The following CHAMP1 variants were observed in gnomAD, a reference collection of about 807,000 sequenced individuals.
The protein encoded by CHAMP1 is chromosome alignment maintaining phosphoprotein 1, also known as chromosome alignment-maintaining phosphoprotein 1.
CHAMP1 carries 4 observed loss-of-function variants against 54.5 expected under a neutral mutation model. That is an observed-to-expected ratio of 0.07 (90% CI 0.04 to 0.17). CHAMP1 has a LOEUF of 0.17. CHAMP1 is among the 10% of genes least tolerant of loss of function. The pLI, the probability that CHAMP1 is intolerant of heterozygous loss-of-function variation, is 1.00. For missense variants in CHAMP1, 994 were observed against 968.6 expected (o/e 1.03, Z -0.35); for synonymous variants, 368 against 342.2 (o/e 1.08, Z -0.83).
intron 1 of CHAMP1, among the ~76,000 whole-genome samples, chr13:114,320,861 C>A (rs374569664): frequency 1.4e-3 from 216 of 151,832 alleles, no homozygotes; most frequent in Non-Finnish European, 2.3e-3. Flanking sequence ...GAGGCTGAGG[C>A]AGGAGAATGG....
chr13:114,319,282 C>G (rs2087140527), intron 1 of CHAMP1, among the ~76,000 whole-genome samples: 4 of 152,172 alleles, frequency 2.6e-5, no homozygotes, highest in Admixed American at 1.3e-4. Context: ...TTCCTACCCT[C>G]AAATCCTATG....
At position 114,325,565 on chromosome 13, in the gene CHAMP1, G is replaced by A. The variant is rs1566792650; in HGVS notation, c.1723G>A (p.Ala575Thr). The A allele has an allele frequency of 1.9e-6, 3 of 1,614,132 alleles. No individual in the cohort carries two copies. Among genetic ancestry groups the A allele is most frequent in the Non-Finnish European group, 2.5e-6 (3 of 1,180,022 alleles). Residue 575 changes from alanine to threonine, a missense_variant, in exon 3 of 3, where the codon GCT becomes ACT. Physicochemically the swap from Ala to Thr is moderately conservative, Grantham distance 58. This residue lies in a region of CHAMP1 where 851 missense variants were observed against 701.3 expected (regional missense o/e 1.21). Transcript: ENST00000361283. ...KSALFSESQKAVELGDELQID... is the reference protein window; with the variant it reads ...KSALFSESQKTVELGDELQID... The stretch of plus-strand genomic sequence containing the variant: ...TGCTCTATTCTCAGAATCACAGAAG[G>A]CTGTTGAGCTTGGTGATGAACTACA...
Position 114,324,161 on chromosome 13 carries a change from A to G in CHAMP1, c.319A>G (p.Lys107Glu). The part of the protein sequence containing the change: ...NQLNKETDPV[K>E]SPPLPEHQKI... Reference sequence around the variant, plus strand: ...GTTGAACAAAGAAACAGATCCTGTGAAAAGCCCTCCTCTTCCTGAACACCA... The same window carrying G: ...GTTGAACAAAGAAACAGATCCTGTGGAAAGCCCTCCTCTTCCTGAACACCA... The change falls in exon 3 of 3, where the codon AAA (lysine) becomes GAA (glutamate). Residue 107 changes from lysine to glutamate, a missense_variant. Physicochemically the swap from Lys to Glu is moderately conservative, Grantham distance 56. Coordinates refer to ENST00000361283, the MANE Select transcript of CHAMP1 (RefSeq NM_032436.4). 6.2e-7 allele frequency: 1 copy of G among 1,614,210 alleles called. No homozygotes were observed. Among genetic ancestry groups the G allele is most frequent in the Non-Finnish European group, 8.5e-7 (1 of 1,180,036 alleles).
In CHAMP1 at chr13:114,326,367, C is replaced by A; in HGVS notation, c.*86C>A. 1 of 1,394,902 alleles carries A rather than the reference C, an allele frequency of 7.2e-7. No homozygotes were observed. The highest frequency in any genetic ancestry group is 1.5e-5 in the South Asian group (1 of 66,352). 86.4% of individuals were successfully genotyped at this position (1,394,902 alleles called of 1,614,324 possible). A position where few individuals can be genotyped will look rare whatever the true frequency, so the allele number is the denominator to read the frequency against. The stretch of plus-strand genomic sequence containing the variant: ...AGCTTATCAGATAGCATAGTTGGAT[C>A]AGTAGATGACATGTATGGTGTACCG... On this transcript the variant is annotated 3_prime_UTR_variant, in exon 3 of 3. Transcript: ENST00000361283.
At position 114,324,907 on chromosome 13, in the gene CHAMP1, T is replaced by A. The variant is rs782090157; in HGVS notation, c.1065T>A (p.Ser355=). 3.7e-6 allele frequency: 6 copies of A among 1,614,136 alleles called. No individual in the cohort carries two copies. The Admixed American group carries it at 1.0e-4, about 27-fold the overall frequency. ...CTTGGAAACCAATTCCTTCTGTATCTCCTGGACCTTGGAAACCAACTCCAT... is the reference window on the plus strand; with the variant it reads ...CTTGGAAACCAATTCCTTCTGTATCACCTGGACCTTGGAAACCAACTCCAT... ...PGPWKPIPSV[S]PGPWKPTPSV... Residue 355 remains serine (S), a synonymous_variant, in exon 3 of 3, where the codon TCT becomes TCA. Transcript: ENST00000361283.
Position 114,314,549 on chromosome 13 carries a change from C to T in CHAMP1, c.-273C>T, listed in dbSNP as rs994309592. On this transcript the variant is annotated 5_prime_UTR_variant, in exon 1 of 3. Transcript: ENST00000361283. ...TGCATCCAGTCGCCATTCGGGAGGCCGCTGCGCTGCAGGGCCTCGCGGAGC... is the reference window on the plus strand; with the variant it reads ...TGCATCCAGTCGCCATTCGGGAGGCTGCTGCGCTGCAGGGCCTCGCGGAGC... 7.2e-5 allele frequency: 11 copies of T among 151,866 alleles called. No homozygotes were observed. The highest frequency in any genetic ancestry group is 2.2e-4 in the African/African-American group (9 of 41,476). 9.4% of individuals were successfully genotyped at this position (151,866 alleles called of 1,614,324 possible). A position where few individuals can be genotyped will look rare whatever the true frequency, so the allele number is the denominator to read the frequency against.
Position 114,324,414 on chromosome 13 carries a change from T to C in CHAMP1, c.572T>C (p.Val191Ala), listed in dbSNP as rs782659992. The change falls in exon 3 of 3, where the codon GTC (valine) becomes GCC (alanine). Residue 191 changes from valine to alanine, a missense_variant. By Grantham distance (64) the Val-to-Ala change is moderately conservative. Around this residue, in one of 3 missense-constraint regions of CHAMP1, gnomAD observed 851 missense variants for 701.3 expected, o/e 1.21. Coordinates refer to ENST00000361283, the MANE Select transcript of CHAMP1 (RefSeq NM_032436.4). ...TCTTCTCCTGAACCTCCAAAATCAG[T>C]CCCTGTTTGTGAGTCTCAGAAACTT... The part of the protein sequence containing the change: ...SVSSPEPPKS[V>A]PVCESQKLAP... 7 of 1,614,104 alleles carry C rather than the reference T, an allele frequency of 4.3e-6. No individual in the cohort carries two copies. In the South Asian group the frequency reaches 7.7e-5, roughly 18 times the overall value.
At position 114,324,602 on chromosome 13, in the gene CHAMP1, C is replaced by T. The variant is rs372750715; in HGVS notation, c.760C>T (p.Pro254Ser). The change falls in exon 3 of 3, where the codon CCA (proline) becomes TCA (serine). Residue 254 changes from proline to serine, a missense_variant. Pro to Ser is a moderately conservative substitution (Grantham distance 74). Coordinates refer to ENST00000361283, the MANE Select transcript of CHAMP1 (RefSeq NM_032436.4). Reference sequence around the variant, plus strand: ...AGAGTCACCAGTTCTAGCTGCTTCCCCAGAACCTTGGGGACCATCCCCAGC... The same window carrying T: ...AGAGTCACCAGTTCTAGCTGCTTCCTCAGAACCTTGGGGACCATCCCCAGC... ...SPESPVLAAS[P>S]EPWGPSPAAS... is the part of the protein sequence containing the mutation. 1.9e-6 allele frequency: 3 copies of T among 1,614,084 alleles called. No homozygotes were observed. Among genetic ancestry groups the T allele is most frequent in the Non-Finnish European group, 2.5e-6 (3 of 1,180,044 alleles).
Position 114,324,567 on chromosome 13 carries a change from C to T in CHAMP1, c.725C>T (p.Ala242Val). Residue 242 changes from alanine (A) to valine (V), a missense_variant, in exon 3 of 3, where the codon GCC (alanine) becomes GTC (valine). Ala to Val is a moderately conservative substitution (Grantham distance 64, BLOSUM62 0). Coordinates refer to ENST00000361283, the MANE Select transcript of CHAMP1 (RefSeq NM_032436.4). ...CCGGAAACATTGGGGCCACCTTCAG[C>T]CTCATCTCCAGAGTCACCAGTTCTA... is the stretch of plus-strand genomic sequence containing the variant. Reference protein sequence around the residue: ...HFPETLGPPSASSPESPVLAA... With the variant: ...HFPETLGPPSVSSPESPVLAA... The T allele has an allele frequency of 6.8e-6, 11 of 1,614,152 alleles. No homozygotes were observed. Among genetic ancestry groups the T allele is most frequent in the Non-Finnish European group, 9.3e-6 (11 of 1,180,038 alleles).
At chr13:114,315,902 C>T (rs1195482565) in intron 1 of CHAMP1, among the ~76,000 whole-genome samples, 1 of 148,598 alleles carries the variant, frequency 6.7e-6, no homozygotes, top group Non-Finnish European at 1.5e-5. Flanking sequence ...AATGGCCCGA[C>T]CTTGGCTCAC....
chr13:114,314,791 G>T (rs1410879505), intron 1 of CHAMP1, 148 bp downstream of exon 1: 1 of 152,150 alleles, frequency 6.6e-6, no homozygotes, highest in African/African-American at 2.4e-5. Flanking sequence ...CACACGGCCC[G>T]AGGGAAGGGC....
At chr13:114,322,454 A>T (rs59710062) in intron 2 of CHAMP1, 1 of 152,234 alleles carries the variant, frequency 6.6e-6, no homozygotes, top group Non-Finnish European at 1.5e-5. Flanking sequence ...GAAGGTGTTC[A>T]GTCTTTCTCA....
intron 2 of CHAMP1, chr13:114,322,590 G>T (rs2087188781): frequency 6.6e-6 from 1 of 152,226 alleles, no homozygotes. Context: ...AGAAGTTTTT[G>T]AGAGTTTGGT....
chr13:114,325,977 A>G lies in CHAMP1; in HGVS notation c.2135A>G (p.Lys712Arg), dbSNP rs1274598257. The change falls in exon 3 of 3, where the codon AAA becomes AGA. Residue 712 changes from lysine (K) to arginine (R), a missense_variant. Physicochemically the swap from Lys to Arg is conservative, Grantham distance 26 (BLOSUM62 2). Coordinates refer to ENST00000361283, the MANE Select transcript of CHAMP1 (RefSeq NM_032436.4). ...MKRGKGKYYC[K>R]ICCCRAMKKG... ...CGTGGAAAAGGAAAGTATTATTGCA[A>G]AATTTGTTGCTGTCGTGCTATGAAA... The G allele has an allele frequency of 3.7e-6, 6 of 1,614,096 alleles. No homozygotes were observed. In the East Asian group the frequency reaches 1.1e-4, roughly 30 times the overall value.
At chr13:114,321,924 T>C (rs2087177456) in intron 2 of CHAMP1, 1 of 152,086 alleles carries the variant, frequency 6.6e-6, no homozygotes, top group Admixed American at 6.5e-5. Context: ...CCTTTTTAGC[T>C]TTAGATCAAA....
chr13:114,316,793 A>G (rs1308555165), intron 1 of CHAMP1, among the ~76,000 whole-genome samples: 1 of 144,896 alleles, frequency 6.9e-6, no homozygotes, highest in East Asian at 2.0e-4. Context: ...GTTGCATTGT[A>G]CTTACTGGTT....
In CHAMP1 at chr13:114,324,179, G is replaced by A. The variant is rs781979890; in HGVS notation, c.337G>A (p.Glu113Lys). 1.9e-6 allele frequency: 3 copies of A among 1,614,042 alleles called. No individual in the cohort carries two copies. The highest frequency in any genetic ancestry group is 2.2e-5 in the South Asian group (2 of 91,062). ...TCCTGTGAAAAGCCCTCCTCTTCCT[G>A]AACACCAGAAAATACCCTGCAATTC... ...TDPVKSPPLP[E>K]HQKIPCNSAE... The change falls in exon 3 of 3, where the codon GAA becomes AAA. Residue 113 changes from glutamate (E) to lysine (K), a missense_variant. Glu to Lys is a moderately conservative substitution (Grantham distance 56). Transcript: ENST00000361283.
chr13:114,315,564 A>G (rs1035216265), intron 1 of CHAMP1, among the ~76,000 whole-genome samples: 4 of 152,210 alleles, frequency 2.6e-5, no homozygotes, highest in Non-Finnish European at 5.9e-5. Flanking sequence ...TGCAATATAA[A>G]CGAACACATT....
In CHAMP1 at chr13:114,317,645, C is replaced by T. The variant is rs535832125; in HGVS notation, c.-179+3002C>T. On this transcript the variant is annotated intron_variant, in intron 1 of 2. Transcript: ENST00000361283. The stretch of plus-strand genomic sequence containing the variant: ...GTCTCTAAAAAAGAAAAAAAGTCCG[C>T]TAAGATAAAGAACAATGCTAGTGTG... Among the ~76,000 whole-genome samples the T allele has an allele frequency of 1.3e-3, 192 of 152,138 alleles. 1 individual carries two copies. Among genetic ancestry groups the T allele is most frequent in the African/African-American group, 3.9e-3 (161 of 41,532 alleles).
Sources: allele counts gnomAD v4.1 joint callset (sites outside exome capture counted in the v4.1 genomes callset), GRCh38; gene constraint gnomAD v4.1.1; regional missense constraint gnomAD v4.1.1; transcripts MANE v1.5; gene names NCBI Gene and HGNC (gene_info 2026-07-23, HGNC 2026-07-21).